Variants in ALDH1A2 observed in about 807,000 individuals in gnomAD.
ALDH1A2 encodes retinal dehydrogenase 2.
A neutral mutation model predicts 60.3 loss-of-function variants in ALDH1A2; 27 were observed. The observed-to-expected ratio is 0.45, with a 90% CI of 0.33 to 0.62. The LOEUF is 0.62. Ranked by LOEUF, ALDH1A2 falls within the 20% of genes least tolerant of loss-of-function variation. ALDH1A2 has a pLI of 0.02. For synonymous variants in ALDH1A2, 289 were observed against 232.4 expected, an observed-to-expected ratio of 1.24 and a Z score of -2.21; for missense variants, 581 against 643.8, an observed-to-expected ratio of 0.90 and a Z score of 1.06.
chr15:57,968,170 G>A (rs1302781589), intron 7 of ALDH1A2, among the ~76,000 whole-genome samples: 1 of 152,074 alleles, frequency 6.6e-6, no homozygotes, highest in East Asian at 1.9e-4. Flanking sequence ...AAGATAAACA[G>A]GTAACTGCTT....
chr15:58,049,619 G>C (rs990030356), intron 1 of ALDH1A2, among the ~76,000 whole-genome samples: 1 of 152,024 alleles, frequency 6.6e-6, no homozygotes, highest in African/African-American at 2.4e-5. Flanking sequence ...ATAGGGTGGG[G>C]AAAGAGGTAA....
At chr15:58,010,907 T>C (rs1895614994) in intron 3 of ALDH1A2, 129 bp from the exon 4 acceptor site, 17 of 1,227,288 alleles carry the variant, frequency 1.4e-5, no homozygotes, top group Non-Finnish European at 2.0e-5. Flanking sequence ...TGGTCAACTA[T>C]GAATTCTCAA....
intron 7 of ALDH1A2, among the ~76,000 whole-genome samples, chr15:57,976,373 C>A (rs1361462067): frequency 2.0e-5 from 3 of 152,086 alleles, no homozygotes; most frequent in Non-Finnish European, 4.4e-5. Flanking sequence ...GTTTGCTGCA[C>A]CCATCAACCC....
chr15:58,036,041 G>A (rs1172736921), intron 1 of ALDH1A2, among the ~76,000 whole-genome samples: 10 of 151,504 alleles, frequency 6.6e-5, no homozygotes, highest in African/African-American at 2.4e-4. Flanking sequence ...TGCAAGGATA[G>A]CTCTTACTAC....
intron 1 of ALDH1A2, among the ~76,000 whole-genome samples, chr15:58,051,146 T>C (rs1285181979): frequency 6.6e-6 from 1 of 152,118 alleles, no homozygotes; most frequent in African/African-American, 2.4e-5. Flanking sequence ...ATAATCGTAT[T>C]TAAAGAATTA....
At chr15:57,971,762 C>T (rs928819216) in intron 7 of ALDH1A2, among the ~76,000 whole-genome samples, 7 of 152,016 alleles carry the variant, frequency 4.6e-5, no homozygotes, top group African/African-American at 7.3e-5. Context: ...AGCCAGAATA[C>T]GAAAATTGCT....
intron 1 of ALDH1A2, among the ~76,000 whole-genome samples, chr15:58,024,051 C>G (rs1391214895): frequency 2.0e-5 from 3 of 152,108 alleles, no homozygotes; most frequent in Non-Finnish European, 2.9e-5. Context: ...TGAGATTGCA[C>G]CATTGCACTC....
chr15:57,962,571 ACACAGC>A (rs574516481), intron 9 of ALDH1A2, among the ~76,000 whole-genome samples: 110 of 152,318 alleles, frequency 7.2e-4, no homozygotes, highest in Non-Finnish European at 1.2e-3. Flanking sequence ...AAAAATTAGC[ACACAGC>A]CTTTTTAGAT....
intron 7 of ALDH1A2, among the ~76,000 whole-genome samples, chr15:57,990,875 CAAAAAA>C (rs34227301): frequency 5.4e-5 from 6 of 111,856 alleles, no homozygotes; most frequent in African/African-American, 1.4e-4. Context: ...AACTCCATCT[CAAAAAA>C]AAAAAAAAAA....
intron 1 of ALDH1A2, among the ~76,000 whole-genome samples, chr15:58,064,207 C>G (rs1176696381): frequency 6.6e-6 from 1 of 152,042 alleles, no homozygotes; most frequent in Non-Finnish European, 1.5e-5. Flanking sequence ...TTCCTAAACC[C>G]AGACAAGTGC....
intron 7 of ALDH1A2, among the ~76,000 whole-genome samples, chr15:57,967,170 A>ATT (rs34306826): frequency 0.014 from 1,956 of 141,712 alleles, 50 homozygotes; most frequent in African/African-American, 0.047. Flanking sequence ...GACTGCCTGG[A>ATT]TTTTTTTTTT....
In ALDH1A2 at chr15:57,962,821, C is replaced by A. The variant is rs35832256; in HGVS notation, c.1087-645G>T. Among the ~76,000 whole-genome samples, 682 of 152,314 alleles carry A rather than the reference C, an allele frequency of 4.5e-3. 9 individuals are homozygous for A. The highest frequency in any genetic ancestry group is 0.016 in the African/African-American group (649 of 41,556). On this transcript the variant is annotated intron_variant, in intron 9 of 12. Coordinates refer to ENST00000249750, the MANE Select transcript of ALDH1A2 (RefSeq NM_003888.4). ...AGTTTGAATGGCTCAGCCAGAACAT[C>A]AATCTTCTCTTGAATAATCCCTAAA... is the stretch of plus-strand genomic sequence containing the variant.
At chr15:57,965,916 C>T (rs1412245925) in intron 7 of ALDH1A2, 89 bp from the exon 8 acceptor site, 4 of 983,000 alleles carry the variant, frequency 4.1e-6, no homozygotes, top group African/African-American at 1.6e-5. Flanking sequence ...CAATGGGATG[C>T]AACAGTAACA....
chr15:57,982,090 C>T (rs1284103836), intron 7 of ALDH1A2, among the ~76,000 whole-genome samples: 1 of 152,046 alleles, frequency 6.6e-6, no homozygotes, highest in Non-Finnish European at 1.5e-5. Flanking sequence ...AGATTAGTAC[C>T]CACCTGAACA....
Position 57,958,214 on chromosome 15 carries a change from G to GCACACACACACACA in ALDH1A2, c.1484+2555_1484+2556insTGTGTGTGTGTGTG, listed in dbSNP as rs113322985. Among the ~76,000 whole-genome samples, 547 of 151,812 alleles carry GCACACACACACACA rather than the reference G, an allele frequency of 3.6e-3. 4 individuals are homozygous for GCACACACACACACA. Among genetic ancestry groups the GCACACACACACACA allele is most frequent in the African/African-American group, 0.012 (497 of 41,432 alleles). On this transcript the variant is annotated intron_variant, in intron 12 of 12. Transcript: ENST00000249750. ...TCTGTATGCATGCGTGTACACGCAC[G>GCACACACACACACA]CACACACACACATAAATTTGACAAG...
intron 1 of ALDH1A2, among the ~76,000 whole-genome samples, chr15:58,048,513 G>A (rs1402991706): frequency 6.6e-6 from 1 of 152,048 alleles, no homozygotes; most frequent in African/African-American, 2.4e-5. Context: ...GACAAGGCCG[G>A]ATCCAAATGA....
chr15:57,971,564 A>G (rs1412051425), intron 7 of ALDH1A2, among the ~76,000 whole-genome samples: 1 of 151,998 alleles, frequency 6.6e-6, no homozygotes, highest in Non-Finnish European at 1.5e-5. Flanking sequence ...CTGGGACTAC[A>G]GGCACTTGCC....
chr15:57,969,507 T>A (rs1893993564), intron 7 of ALDH1A2, among the ~76,000 whole-genome samples: 1 of 152,144 alleles, frequency 6.6e-6, no homozygotes. Flanking sequence ...AAAGTTTAAG[T>A]GTGGTTCCTC....
At chr15:58,045,796 G>A (rs1450813644) in intron 1 of ALDH1A2, among the ~76,000 whole-genome samples, 1 of 151,884 alleles carries the variant, frequency 6.6e-6, no homozygotes, top group East Asian at 1.9e-4. Flanking sequence ...AAAAATGCAT[G>A]TTCTGCACGT....
Sources: allele counts gnomAD v4.1 joint callset (sites outside exome capture counted in the v4.1 genomes callset), GRCh38; gene constraint gnomAD v4.1.1; transcripts MANE v1.5; gene names NCBI Gene and HGNC (gene_info 2026-07-23, HGNC 2026-07-21).